TMOD1: variants seen among roughly 807,000 people sequenced by gnomAD.
The protein encoded by TMOD1 is tropomodulin-1.
In TMOD1, 17 loss-of-function variants were observed where a neutral mutation model predicts 40.6. That is an observed-to-expected ratio of 0.42 (90% CI 0.29 to 0.63). The LOEUF is 0.63. Among genes scored for constraint, TMOD1 ranks in the 20% least tolerant of loss-of-function variants. TMOD1 has a pLI of 0.22. For missense variants in TMOD1, 391 were observed against 447.6 expected, an observed-to-expected ratio of 0.87 and a Z score of 1.14; for synonymous variants, 181 against 175.0, an observed-to-expected ratio of 1.03 and a Z score of -0.27.
chr9:97,531,331 C>T (rs1412826008), intron 2 of TMOD1, among the ~76,000 whole-genome samples: 2 of 152,094 alleles, frequency 1.3e-5, no homozygotes, highest in Non-Finnish European at 1.5e-5. Context: ...TGAGAACAGG[C>T]TGGGTGTGGT....
chr9:97,555,693 A>G (rs1378450088), intron 4 of TMOD1: 3 of 1,550,540 alleles, frequency 1.9e-6, no homozygotes, highest in Admixed American at 2.0e-5. Context: ...TTGACCACCT[A>G]CCATGTCCCA....
chr9:97,565,951 C>T lies in TMOD1; in HGVS notation c.722C>T (p.Ala241Val), dbSNP rs1476951392. The T allele has an allele frequency of 7.4e-6, 12 of 1,613,204 alleles. No homozygotes were observed. Among genetic ancestry groups the T allele is most frequent in the East Asian group, 2.2e-5 (1 of 44,886 alleles). The change falls in exon 7 of 10, where the codon GCG becomes GTG. Residue 241 changes from alanine to valine, a missense_variant. Coordinates refer to ENST00000259365, the MANE Select transcript of TMOD1 (RefSeq NM_003275.4). Reference sequence around the variant, plus strand: ...GGGACACGGAGTAATGACCCCGTGGCGTATGTATGTACCTTTCTGTTCTGT... The same window carrying T: ...GGGACACGGAGTAATGACCCCGTGGTGTATGTATGTACCTTTCTGTTCTGT... ...IVGTRSNDPVAYALAEMLKEN... is the reference protein window; with the variant it reads ...IVGTRSNDPVVYALAEMLKEN...
intron 8 of TMOD1, among the ~76,000 whole-genome samples, chr9:97,576,458 A>G (rs183714584): frequency 1.3e-5 from 2 of 152,276 alleles, no homozygotes; most frequent in African/African-American, 4.8e-5. Context: ...AGTCTCCAAA[A>G]AAATAAATAA....
At chr9:97,582,161 T>C (rs1424329606) in intron 8 of TMOD1, among the ~76,000 whole-genome samples, 1 of 152,006 alleles carries the variant, frequency 6.6e-6, no homozygotes, top group Admixed American at 6.6e-5. Context: ...TAATCCATCT[T>C]GAATTGATTT....
chr9:97,599,839 T>G lies in TMOD1; in HGVS notation c.*141T>G. 1 of 1,464,846 alleles carries G rather than the reference T, an allele frequency of 6.8e-7. No individual in the cohort carries two copies. Among genetic ancestry groups the G allele is most frequent in the Admixed American group, 2.4e-5 (1 of 41,388 alleles). The allele number at this position is 1,464,846 out of a possible 1,614,324, so 90.7% of individuals were successfully genotyped here. A position where few individuals can be genotyped will look rare whatever the true frequency, so the allele number is the denominator to read the frequency against. Reference sequence around the variant, plus strand: ...TTCTTTATGCACTAAGGTTTTAGGTTGACTAGTGGTTGTAGTTGAAAATTT... The same window carrying G: ...TTCTTTATGCACTAAGGTTTTAGGTGGACTAGTGGTTGTAGTTGAAAATTT... On this transcript the variant is annotated 3_prime_UTR_variant, in exon 10 of 10. Transcript: ENST00000259365.
chr9:97,540,358 G>T (rs1165202459), intron 2 of TMOD1, among the ~76,000 whole-genome samples: 1 of 152,316 alleles, frequency 6.6e-6, no homozygotes, highest in Admixed American at 6.5e-5. Context: ...GTGACTGGTT[G>T]GGGAAGGAGG....
At chr9:97,538,001 T>A (rs1830210086) in intron 2 of TMOD1, among the ~76,000 whole-genome samples, 1 of 152,130 alleles carries the variant, frequency 6.6e-6, no homozygotes, top group Admixed American at 6.6e-5. Context: ...TTGGACTACG[T>A]GTCAATATTT....
At chr9:97,535,612 C>T (rs2131234471) in intron 2 of TMOD1, among the ~76,000 whole-genome samples, 1 of 152,302 alleles carries the variant, frequency 6.6e-6, no homozygotes, top group East Asian at 1.9e-4. Flanking sequence ...ACCCAGTCCC[C>T]AGCACAACAG....
chr9:97,526,997 A>G (rs193058557), intron 2 of TMOD1, among the ~76,000 whole-genome samples: 1 of 152,156 alleles, frequency 6.6e-6, no homozygotes, highest in African/African-American at 2.4e-5. Flanking sequence ...CCTGATATTC[A>G]CGATCTTCCC....
chr9:97,587,240 A>G (rs889825915), intron 8 of TMOD1, among the ~76,000 whole-genome samples: 28 of 152,330 alleles, frequency 1.8e-4, no homozygotes, highest in African/African-American at 6.0e-4. Context: ...TTATGTAAAC[A>G]TATGTTTTAA....
At chr9:97,526,724 G>T (rs1274740007) in intron 2 of TMOD1, among the ~76,000 whole-genome samples, 1 of 152,086 alleles carries the variant, frequency 6.6e-6, no homozygotes, top group Admixed American at 6.5e-5. Context: ...TAGGTGTTTC[G>T]CTTCCAATCC....
At chr9:97,572,600 G>A (rs983524905) in intron 8 of TMOD1, among the ~76,000 whole-genome samples, 3 of 152,168 alleles carry the variant, frequency 2.0e-5, no homozygotes, top group African/African-American at 7.2e-5. Flanking sequence ...CAGGCTGGGG[G>A]GAGGCAGGGC....
chr9:97,535,479 G>A (rs746406162), intron 2 of TMOD1, among the ~76,000 whole-genome samples: 2 of 152,148 alleles, frequency 1.3e-5, no homozygotes, highest in Non-Finnish European at 2.9e-5. Flanking sequence ...CTCAGACTCA[G>A]TTCAGGACCA....
chr9:97,542,542 G>A (rs1234749272), intron 2 of TMOD1, among the ~76,000 whole-genome samples: 1 of 152,088 alleles, frequency 6.6e-6, no homozygotes, highest in Non-Finnish European at 1.5e-5. Context: ...TCAATCAGGG[G>A]CAATTTTGCC....
At chr9:97,511,087 C>CGCACACACACACAG (rs1829689383) in intron 1 of TMOD1, among the ~76,000 whole-genome samples, 1 of 131,310 alleles carries the variant, frequency 7.6e-6, no homozygotes, top group South Asian at 2.4e-4. Context: ...CACACACAGA[C>CGCACACACACACAG]ACACACACAC....
rs1213034294 is a variant in TMOD1, at chr9:97,565,762, CAG to C, written c.619-81_619-80del. ...TTTTGGCCAGAGACTTGCCAGGAATCAGAGAGTAGCCAGGCTAATCCACCTGC... is the reference window on the plus strand; with the variant it reads ...TTTTGGCCAGAGACTTGCCAGGAATCAGAGTAGCCAGGCTAATCCACCTGC... On this transcript the variant is annotated intron_variant, in intron 6 of 9. Coordinates refer to ENST00000259365, the MANE Select transcript of TMOD1 (RefSeq NM_003275.4). 3 of 1,073,232 alleles carry C rather than the reference CAG, an allele frequency of 2.8e-6. 1 individual carries two copies. The South Asian group carries it at 4.3e-5, about 15-fold the overall frequency. The allele number at this position is 1,073,232 out of a possible 1,614,324, so 66.5% of individuals were successfully genotyped here. A position where few individuals can be genotyped will look rare whatever the true frequency, so the allele number is the denominator to read the frequency against.
In TMOD1 at chr9:97,502,449, T is replaced by C. The variant is rs891872363; in HGVS notation, c.-49+646T>C. Among the ~76,000 whole-genome samples, 1 of 152,202 alleles carries C rather than the reference T, an allele frequency of 6.6e-6. No individual in the cohort carries two copies. Among genetic ancestry groups the C allele is most frequent in the African/African-American group, 2.4e-5 (1 of 41,464 alleles). The stretch of plus-strand genomic sequence containing the variant: ...GCTTGGAGGCGGGAGCCCCAGGTTG[T>C]CGCCGGCTCTCGGCATGGCCTTGGC... On this transcript the variant is annotated intron_variant, in intron 1 of 9. Coordinates refer to ENST00000259365, the MANE Select transcript of TMOD1 (RefSeq NM_003275.4). This position sits in a 1 kb window ranked among gnomAD's most constrained non-coding sequence, Gnocchi z 6.1.
intron 1 of TMOD1, among the ~76,000 whole-genome samples, chr9:97,512,315 G>A (rs1829717083): frequency 6.6e-6 from 1 of 152,118 alleles, no homozygotes; most frequent in African/African-American, 2.4e-5. Context: ...ATACATTGTT[G>A]GTAGAAATGT....
chr9:97,588,755 G>A (rs183055113), intron 8 of TMOD1, among the ~76,000 whole-genome samples: 7 of 152,098 alleles, frequency 4.6e-5, no homozygotes, highest in Admixed American at 2.6e-4. Flanking sequence ...GTGTTGTTTT[G>A]TAGTTTTCAA....
Sources: allele counts gnomAD v4.1 joint callset (sites outside exome capture counted in the v4.1 genomes callset), GRCh38; gene constraint gnomAD v4.1.1; non-coding constraint Gnocchi (gnomAD v3.1); transcripts MANE v1.5; gene names NCBI Gene and HGNC (gene_info 2026-07-23, HGNC 2026-07-21).